The following MCPH1 variants were observed in gnomAD, a reference collection of about 807,000 sequenced individuals.
MCPH1 encodes microcephalin 1, also known as microcephalin.
A neutral mutation model predicts 84.5 loss-of-function variants in MCPH1; 104 were observed. That is an observed-to-expected ratio of 1.23 (90% confidence interval 1.05 to 1.45). The LOEUF is 1.45. MCPH1 is among the 40% of genes most tolerant of loss of function. The probability of loss-of-function intolerance (pLI) is 0.00; values close to 1 mark genes in which losing one functional copy is unlikely to be tolerated. For synonymous variants in MCPH1, 514 were observed against 366.8 expected, an observed-to-expected ratio of 1.40 and a Z score of -4.58; for missense variants, 1,498 against 1,005.7, an observed-to-expected ratio of 1.49 and a Z score of -6.62.
chr8:6,528,820 G>C (rs1338137590), intron 12 of MCPH1, among the ~76,000 whole-genome samples: 1 of 152,334 alleles, frequency 6.6e-6, no homozygotes, highest in Non-Finnish European at 1.5e-5. Context: ...CAGGAGCCTT[G>C]GCTGGTCCAC....
chr8:6,580,253 C>T (rs963145779), intron 12 of MCPH1, among the ~76,000 whole-genome samples: 4 of 152,220 alleles, frequency 2.6e-5, no homozygotes, highest in African/African-American at 4.8e-5. Flanking sequence ...GAAGCCTCCA[C>T]GATGTCCATC....
At chr8:6,575,047 C>T (rs1437062821) in intron 12 of MCPH1, among the ~76,000 whole-genome samples, 1 of 152,100 alleles carries the variant, frequency 6.6e-6, no homozygotes, top group Non-Finnish European at 1.5e-5. Flanking sequence ...CTCAAGGGCT[C>T]GGAAGGGGAG....
intron 13 of MCPH1, among the ~76,000 whole-genome samples, chr8:6,636,985 G>A (rs1000773613): frequency 6.6e-6 from 1 of 152,228 alleles, no homozygotes; most frequent in African/African-American, 2.4e-5. Context: ...TCCTAGAGAA[G>A]TATCAGCGAT....
rs535238336 is a variant in MCPH1, at chr8:6,470,445, C to G, written c.1936-7149C>G. Among the ~76,000 whole-genome samples, 9 of 152,160 alleles carry G rather than the reference C, an allele frequency of 5.9e-5. No individual in the cohort carries two copies. In the East Asian group the frequency reaches 1.7e-3, roughly 30 times the overall value. On this transcript the variant is annotated intron_variant, in intron 9 of 13. Transcript: ENST00000344683. ...ATTACAGGTTTCCTGCCACCACACC[C>G]AGCTAATTTTTGTATTTTTAGGAGA...
chr8:6,465,920 T>TATCC (rs1554499807), intron 9 of MCPH1, among the ~76,000 whole-genome samples: 7 of 92,044 alleles, frequency 7.6e-5, no homozygotes, highest in Non-Finnish European at 1.2e-4. Flanking sequence ...CAATTTTATC[T>TATCC]ATCGATCCAT....
rs114486525 is a variant in MCPH1 at position 6,610,618 on chromosome 8, T to G, written c.2215-10836T>G. Among the ~76,000 whole-genome samples, 617 of 152,276 alleles carry G rather than the reference T, an allele frequency of 4.1e-3. 5 individuals carry two copies. The highest frequency in any genetic ancestry group is 0.013 in the African/African-American group (559 of 41,550). On this transcript the variant is annotated intron_variant, in intron 12 of 13. Transcript: ENST00000344683. ...TTTAGCTCCCTGGTTTAAGGCTTTC[T>G]TTTCCCCCATGATGAAAAACTATAA...
chr8:6,519,757 G>C (rs1272126996), intron 12 of MCPH1: 2 of 1,425,520 alleles, frequency 1.4e-6, no homozygotes, highest in African/African-American at 2.8e-5. Flanking sequence ...TGTACTGTGT[G>C]AGGCTGGGGA....
chr8:6,508,431 C>G (rs899338396), intron 12 of MCPH1: 1 of 164,106 alleles, frequency 6.1e-6, no homozygotes, highest in African/African-American at 2.4e-5. Context: ...CAAAGTAAGA[C>G]TCTGTCTCAA....
chr8:6,408,048 C>T (rs1330366801), intron 1 of MCPH1, among the ~76,000 whole-genome samples: 1 of 152,174 alleles, frequency 6.6e-6, no homozygotes, highest in African/African-American at 2.4e-5. Flanking sequence ...GCCACAAAGC[C>T]TGAAATATTT....
chr8:6,463,079 C>T (rs1397792750), intron 9 of MCPH1, among the ~76,000 whole-genome samples: 1 of 152,198 alleles, frequency 6.6e-6, no homozygotes, highest in Non-Finnish European at 1.5e-5. Flanking sequence ...GAGTCTTGGG[C>T]AGGGGGTGAG....
intron 4 of MCPH1, among the ~76,000 whole-genome samples, chr8:6,432,901 C>A (rs1802045613): frequency 6.6e-6 from 1 of 152,182 alleles, no homozygotes; most frequent in African/African-American, 2.4e-5. Flanking sequence ...CTTTGTAAAA[C>A]ATTTAGTAAA....
intron 6 of MCPH1, among the ~76,000 whole-genome samples, chr8:6,439,983 G>C (rs1047614989): frequency 6.6e-6 from 1 of 152,164 alleles, no homozygotes; most frequent in African/African-American, 2.4e-5. Context: ...TACGGGTTTG[G>C]TTTCTGTGTG....
intron 12 of MCPH1, among the ~76,000 whole-genome samples, chr8:6,554,360 A>G (rs1824212777): frequency 6.6e-6 from 1 of 151,976 alleles, no homozygotes; most frequent in Admixed American, 6.6e-5. Context: ...GACTTTGTTC[A>G]CGTTCTCGCC....
At position 6,439,046 on chromosome 8, in the gene MCPH1, A is replaced by C. The variant is rs181765480; in HGVS notation, c.530A>C (p.Glu177Ala). ...EINSRHHSAMEKRLQEMKEKR... is the reference protein window; with the variant it reads ...EINSRHHSAMAKRLQEMKEKR... Reference sequence around the variant, plus strand: ...AATAGTAGGCACCACAGCGCAATGGAGAAGAGATTACAAGAGATGAAGGAG... The same window carrying C: ...AATAGTAGGCACCACAGCGCAATGGCGAAGAGATTACAAGAGATGAAGGAG... Residue 177 changes from glutamate to alanine, a missense_variant, in exon 6 of 14, where the codon GAG becomes GCG. Coordinates refer to ENST00000344683, the MANE Select transcript of MCPH1 (RefSeq NM_024596.5). 2.7e-5 allele frequency: 43 copies of C among 1,613,470 alleles called. No individual in the cohort carries two copies. The highest frequency in any genetic ancestry group is 3.6e-5 in the Non-Finnish European group (42 of 1,179,694).
intron 13 of MCPH1, among the ~76,000 whole-genome samples, chr8:6,634,427 G>A (rs1214324811): frequency 3.3e-5 from 5 of 152,224 alleles, no homozygotes; most frequent in African/African-American, 7.2e-5. Context: ...TACTGCCCCA[G>A]AAAGATGCTG....
chr8:6,641,278 A>T (rs908204614), intron 13 of MCPH1, among the ~76,000 whole-genome samples: 23 of 152,216 alleles, frequency 1.5e-4, no homozygotes, highest in East Asian at 5.8e-4. Context: ...GAATCCATAG[A>T]GTTTTTACAA....
At chr8:6,557,141 C>T (rs138336984) in intron 12 of MCPH1, among the ~76,000 whole-genome samples, 3 of 152,332 alleles carry the variant, frequency 2.0e-5, no homozygotes, top group African/African-American at 7.2e-5. Flanking sequence ...CAGTTTTCTG[C>T]AGTCTTCCCA....
chr8:6,442,404 A>T (rs1160345729), intron 7 of MCPH1, among the ~76,000 whole-genome samples: 23 of 152,178 alleles, frequency 1.5e-4, no homozygotes, highest in Admixed American at 1.5e-3. Context: ...GCTCTATTTA[A>T]AAAATTATTG....
rs139080338 is a variant in MCPH1, at chr8:6,541,299, T to A, written c.2214+41370T>A. The stretch of plus-strand genomic sequence containing the variant: ...AGAGAAAGTCAGTGCCCACCCCAAG[T>A]CTCATGGGCCCCAGGCTGTGGGCAG... On this transcript the variant is annotated intron_variant, in intron 12 of 13. Transcript: ENST00000344683. 6.1e-3 allele frequency among the ~76,000 whole-genome samples: 928 copies of A among 152,138 alleles called. 10 individuals carry two copies. Among genetic ancestry groups the A allele is most frequent in the African/African-American group, 0.022 (900 of 41,506 alleles).
Sources: gnomAD v4.1 joint callset for allele counts (sites outside exome capture counted in the v4.1 genomes callset) on GRCh38, gnomAD v4.1.1 for gene constraint, MANE v1.5 for transcripts, NCBI Gene and HGNC (gene_info 2026-07-23, HGNC 2026-07-21) for gene names.